MYO9B: variants seen among roughly 807,000 people sequenced by gnomAD.
MYO9B encodes myosin IXB.
In MYO9B, 71 loss-of-function variants were observed where a neutral mutation model predicts 229.5. The ratio of observed to expected loss-of-function variants is 0.31; its 90% CI spans 0.26 to 0.38. The LOEUF is 0.38. Ranked by LOEUF, MYO9B falls within the 10% of genes least tolerant of loss-of-function variation. The probability of loss-of-function intolerance (pLI) is 1.00; values close to 1 mark genes in which losing one functional copy is unlikely to be tolerated. For missense variants in MYO9B, 2,255 were observed against 2,920.5 expected, an observed-to-expected ratio of 0.77 and a Z score of 5.25; for synonymous variants, 1,185 against 1,235.8, an observed-to-expected ratio of 0.96 and a Z score of 0.86.
intron 2 of MYO9B, among the ~76,000 whole-genome samples, chr19:17,129,769 C>G (rs1384317197): frequency 6.6e-6 from 1 of 152,182 alleles, no homozygotes; most frequent in African/African-American, 2.4e-5. Context: ...GTCATAGTCT[C>G]TGTTCTCCCT....
At chr19:17,184,044 G>A (rs967752629) in intron 16 of MYO9B, 176 bp downstream of exon 16, 7 of 666,510 alleles carry the variant, frequency 1.1e-5, no homozygotes, top group African/African-American at 3.7e-5. Flanking sequence ...CTCTTTATGG[G>A]TTTCCCAGAA....
intron 32 of MYO9B, 23 bp from the exon 33 acceptor site, chr19:17,206,225 G>GGGGGGGGCCCCCC: frequency 2.6e-6 from 4 of 1,564,668 alleles, no homozygotes; most frequent in Non-Finnish European, 3.5e-6. Flanking sequence ...CCGCTCACCA[G>GGGGGGGGCCCCCC]ACCCACCCCA....
intron 1 of MYO9B, among the ~76,000 whole-genome samples, chr19:17,097,182 A>G (rs1166902855): frequency 2.6e-5 from 4 of 151,772 alleles, no homozygotes; most frequent in African/African-American, 7.3e-5. Context: ...TTAGCCGGGC[A>G]TGGTGGTGGG....
At chr19:17,161,348 G>T (rs780776571) in intron 8 of MYO9B, among the ~76,000 whole-genome samples, 2 of 152,142 alleles carry the variant, frequency 1.3e-5, no homozygotes, top group Non-Finnish European at 2.9e-5. Flanking sequence ...CTCCAGGACA[G>T]GGTGAAATAT....
intron 10 of MYO9B, 101 bp from the exon 11 acceptor site, chr19:17,167,842 A>C (rs1319725613): frequency 1.4e-6 from 2 of 1,443,606 alleles, no homozygotes; most frequent in African/African-American, 2.9e-5. Context: ...AGCATTTCAG[A>C]TTTTCGGATT....
In MYO9B at chr19:17,212,568, C is replaced by T. The variant is rs2073243892; in HGVS notation, c.*258C>T. 4.5e-6 allele frequency: 2 copies of T among 443,684 alleles called. No homozygotes were observed. The highest frequency in any genetic ancestry group is 8.0e-5 in the Admixed American group (2 of 25,054). The allele number at this position is 443,684 out of a possible 1,614,324, so 27.5% of individuals were successfully genotyped here. ...CACATCTCCACCTGCGGCCTCACATCTCCCCACTCCCCTTTTTGTACGTTT... is the reference window on the plus strand; with the variant it reads ...CACATCTCCACCTGCGGCCTCACATTTCCCCACTCCCCTTTTTGTACGTTT... On this transcript the variant is annotated 3_prime_UTR_variant, in exon 40 of 40. Transcript: ENST00000682292. This position sits in a 1 kb window ranked among gnomAD's most constrained non-coding sequence, Gnocchi z 5.4.
intron 36 of MYO9B, 86 bp downstream of exon 36, chr19:17,209,795 TG>T: frequency 8.5e-7 from 1 of 1,173,122 alleles, no homozygotes; most frequent in African/African-American, 1.6e-5. Context: ...GCTTTGTTGC[TG>T]GGAAGGCTGG....
intron 2 of MYO9B, among the ~76,000 whole-genome samples, chr19:17,139,904 G>A (rs1238110257): frequency 6.6e-6 from 1 of 152,084 alleles, no homozygotes; most frequent in East Asian, 1.9e-4. Context: ...AGCCGGGTGT[G>A]GTGGTGCATG....
At chr19:17,088,501 T>C (rs2057605359) in intron 1 of MYO9B, among the ~76,000 whole-genome samples, 1 of 152,184 alleles carries the variant, frequency 6.6e-6, no homozygotes, top group Non-Finnish European at 1.5e-5. Flanking sequence ...CTCCCCCAGC[T>C]GCTCCCCGAG....
At chr19:17,183,784 A>C in intron 15 of MYO9B, 45 bp from the exon 16 acceptor site, 1 of 1,509,138 alleles carries the variant, frequency 6.6e-7, no homozygotes, top group Non-Finnish European at 8.9e-7. Flanking sequence ...AAATCCCGAC[A>C]CTGTGTTCCT....
intron 2 of MYO9B, among the ~76,000 whole-genome samples, chr19:17,108,202 G>A (rs905758335): frequency 6.6e-6 from 1 of 152,330 alleles, no homozygotes; most frequent in Non-Finnish European, 1.5e-5. Context: ...CCTCAGCAGC[G>A]GGGGCTGGCG....
chr19:17,079,134 C>T (rs1427261412), intron 1 of MYO9B, among the ~76,000 whole-genome samples: 2 of 152,176 alleles, frequency 1.3e-5, no homozygotes, highest in Non-Finnish European at 2.9e-5. Context: ...AGAATCACCT[C>T]CCCCGCCAGG....
Position 17,194,649 on chromosome 19 carries a change from G to A in MYO9B, c.3222G>A (p.Gln1074=), listed in dbSNP as rs777024254. The A allele has an allele frequency of 3.7e-6, 6 of 1,612,760 alleles. No individual in the cohort carries two copies. Among genetic ancestry groups the A allele is most frequent in the Non-Finnish European group, 4.2e-6 (5 of 1,179,776 alleles). Residue 1074 remains glutamine, a synonymous_variant, in exon 22 of 40, where the codon CAG becomes CAA. Coordinates refer to ENST00000682292, the MANE Select transcript of MYO9B (RefSeq NM_004145.4). ...AARAGAEEGG[Q]GQAAGGQQVA... ...GAGCAGGTGCTGAGGAGGGCGGACA[G>A]GGTCAGGCGGCTGGAGGGCAGCAGG...
chr19:17,161,731 G>A lies in MYO9B; in HGVS notation c.1420-619G>A, dbSNP rs994906222. Among the ~76,000 whole-genome samples, 4 of 152,114 alleles carry A rather than the reference G, an allele frequency of 2.6e-5. No homozygotes were observed. In the South Asian group the frequency reaches 6.2e-4, roughly 24 times the overall value. On this transcript the variant is annotated intron_variant, in intron 8 of 39. Transcript: ENST00000682292. ...CTCAGAAGGCTGAGGCTGGAGAATC[G>A]CTTGAACCCAGGAGGGAGAGGTTGC...
At chr19:17,129,583 G>A (rs73928486) in intron 2 of MYO9B, among the ~76,000 whole-genome samples, 32,965 of 152,074 alleles carry the variant, frequency 0.22, 3,764 homozygotes, top group African/African-American at 0.24. Context: ...CCACGGACGC[G>A]TCAGCCTCCT....
In MYO9B at chr19:17,172,941, C is replaced by T; in HGVS notation, c.2118C>T (p.Ala706=). ...AVLREAGRLR[A]ERAEKAAGMS... Reference sequence around the variant, plus strand: ...TTCGGGAGGCCGGACGCCTGCGGGCCGAGAGGGCCGAAAAGGCTGCAGGTG... The same window carrying T: ...TTCGGGAGGCCGGACGCCTGCGGGCTGAGAGGGCCGAAAAGGCTGCAGGTG... Residue 706 remains alanine, a synonymous_variant, in exon 13 of 40, where the codon GCC becomes GCT. Transcript: ENST00000682292. This position sits in a 1 kb window ranked among gnomAD's most constrained non-coding sequence, Gnocchi z 8.2. The T allele has an allele frequency of 2.5e-6, 4 of 1,598,284 alleles. No individual in the cohort carries two copies. Among genetic ancestry groups the T allele is most frequent in the East Asian group, 2.2e-5 (1 of 44,872 alleles).
At chr19:17,098,976 T>C (rs1339917513) in intron 1 of MYO9B, among the ~76,000 whole-genome samples, 1 of 53,580 alleles carries the variant, frequency 1.9e-5, no homozygotes, top group African/African-American at 6.7e-5. Context: ...CCCTCTCTCT[T>C]AGGAAAAAAA....
intron 14 of MYO9B, among the ~76,000 whole-genome samples, chr19:17,180,014 C>T (rs1025917910): frequency 1.3e-5 from 2 of 151,926 alleles, no homozygotes; most frequent in Non-Finnish European, 2.9e-5. Flanking sequence ...GTGGGCCGAT[C>T]ACAAGGTCAG....
At chr19:17,169,413 AT>A (rs2072696838) in intron 11 of MYO9B, among the ~76,000 whole-genome samples, 1 of 150,032 alleles carries the variant, frequency 6.7e-6, no homozygotes, top group Non-Finnish European at 1.5e-5. Flanking sequence ...CTACAAAAAA[AT>A]TTTTAACCAG....
Sources: allele counts gnomAD v4.1 joint callset (sites outside exome capture counted in the v4.1 genomes callset), GRCh38; gene constraint gnomAD v4.1.1; non-coding constraint Gnocchi (gnomAD v3.1); transcripts MANE v1.5; gene names NCBI Gene and HGNC (gene_info 2026-07-23, HGNC 2026-07-21).